BBS9: variants seen among roughly 807,000 people sequenced by gnomAD.
The protein encoded by BBS9 is protein PTHB1.
In BBS9, 89 loss-of-function variants were observed where a neutral mutation model predicts 117.7. That is an observed-to-expected ratio of 0.76 (90% CI 0.64 to 0.90). The LOEUF (loss-of-function observed/expected upper bound fraction) is 0.90, where lower values mean the gene tolerates loss of function less well. BBS9 is among the 40% of genes least tolerant of loss of function. The probability of loss-of-function intolerance (pLI) is 0.00; values close to 1 mark genes in which losing one functional copy is unlikely to be tolerated. For synonymous variants in BBS9, 379 were observed against 370.9 expected, an observed-to-expected ratio of 1.02 and a Z score of -0.25; for missense variants, 982 against 1,042.2, an observed-to-expected ratio of 0.94 and a Z score of 0.80.
At chr7:33,522,108 G>C in intron 20 of BBS9, among the ~76,000 whole-genome samples, 1 of 151,604 alleles carries the variant, frequency 6.6e-6, no homozygotes, top group Non-Finnish European at 1.5e-5. Flanking sequence ...AGTATTCCAT[G>C]GTGTATATGT....
In BBS9 at chr7:33,409,305, C is replaced by G. The variant is rs531249827; in HGVS notation, c.2115+21161C>G. On this transcript the variant is annotated intron_variant, in intron 19 of 22. Transcript: ENST00000242067. Reference sequence around the variant, plus strand: ...TAGTTTGAGATCTTACATTTTAAGTCTTTGATCCATCTTGAGTTAATTTTA... The same window carrying G: ...TAGTTTGAGATCTTACATTTTAAGTGTTTGATCCATCTTGAGTTAATTTTA... Among the ~76,000 whole-genome samples the G allele has an allele frequency of 3.9e-5, 6 of 152,256 alleles. No individual in the cohort carries two copies. In the South Asian group the frequency reaches 8.3e-4, roughly 21 times the overall value.
At chr7:33,331,404 TG>T (rs771284154) in intron 9 of BBS9, among the ~76,000 whole-genome samples, 1 of 152,232 alleles carries the variant, frequency 6.6e-6, no homozygotes, top group East Asian at 1.9e-4. Context: ...AACATAGTAC[TG>T]GAAGTCCTAG....
Position 33,257,423 on chromosome 7 carries a change from G to GAA in BBS9, c.617+13_617+14insAA. ...TGGAAAGTTATAAGTAAGTTTGGAT[G>GAA]TTAAGTCTTCAGAATCATGATTTTT... On this transcript the variant is annotated intron_variant, in intron 6 of 22. Transcript: ENST00000242067. The GAA allele has an allele frequency of 6.2e-7, 1 of 1,612,744 alleles. No individual in the cohort carries two copies. Among genetic ancestry groups the GAA allele is most frequent in the Admixed American group, 1.7e-5 (1 of 60,010 alleles).
intron 19 of BBS9, among the ~76,000 whole-genome samples, chr7:33,494,125 T>C (rs1404086280): frequency 6.6e-6 from 1 of 152,088 alleles, no homozygotes; most frequent in Non-Finnish European, 1.5e-5. Context: ...CCGATGGATC[T>C]CAACCCAGGG....
intron 21 of BBS9, among the ~76,000 whole-genome samples, chr7:33,564,704 G>T (rs1856594149): frequency 6.6e-6 from 1 of 152,156 alleles, no homozygotes; most frequent in Non-Finnish European, 1.5e-5. Context: ...TGGAAAAGAG[G>T]TGAAAATGTA....
At chr7:33,331,037 C>T (rs35067143) in intron 9 of BBS9, among the ~76,000 whole-genome samples, 25,335 of 151,984 alleles carry the variant, frequency 0.17, 2,348 homozygotes, top group South Asian at 0.21. Context: ...ACTAGCTAAC[C>T]GAATCTAACA....
chr7:33,162,948 A>G (rs753634764), intron 4 of BBS9, among the ~76,000 whole-genome samples: 31 of 152,302 alleles, frequency 2.0e-4, no homozygotes, highest in Non-Finnish European at 3.8e-4. Flanking sequence ...CCCATTCAGT[A>G]TGATATTGGC....
intron 9 of BBS9, among the ~76,000 whole-genome samples, chr7:33,279,501 G>A (rs1207826466): frequency 6.6e-6 from 1 of 152,216 alleles, no homozygotes; most frequent in African/African-American, 2.4e-5. Flanking sequence ...GTTGATTTAT[G>A]AAGGAAGTTG....
Position 33,416,777 on chromosome 7 carries a change from C to T in BBS9, c.2115+28633C>T, listed in dbSNP as rs746726498. On this transcript the variant is annotated intron_variant, in intron 19 of 22. Coordinates refer to ENST00000242067, the MANE Select transcript of BBS9 (RefSeq NM_198428.3). ...CATCTCACAGGTGTAAGTGGCCATT[C>T]GAAGTCACATGGAGGCAGTGGAGGA... Among the ~76,000 whole-genome samples the T allele has an allele frequency of 4.6e-5, 7 of 152,106 alleles. No individual in the cohort carries two copies. The South Asian group carries it at 6.2e-4, about 14-fold the overall frequency.
Position 33,439,356 on chromosome 7 carries a change from G to T in BBS9, c.2115+51212G>T, listed in dbSNP as rs148345140. 2.2e-3 allele frequency among the ~76,000 whole-genome samples: 328 copies of T among 152,158 alleles called. 1 individual carries two copies. Among genetic ancestry groups the T allele is most frequent in the Non-Finnish European group, 3.8e-3 (257 of 67,996 alleles). On this transcript the variant is annotated intron_variant, in intron 19 of 22. Transcript: ENST00000242067. Reference sequence around the variant, plus strand: ...CAAATGGATTTCTCTGAGTTTTAAAGAATTCCATTTTACTATATTAATTTG... The same window carrying T: ...CAAATGGATTTCTCTGAGTTTTAAATAATTCCATTTTACTATATTAATTTG...
At chr7:33,289,809 C>A (rs967490471) in intron 9 of BBS9, among the ~76,000 whole-genome samples, 1 of 152,014 alleles carries the variant, frequency 6.6e-6, no homozygotes, top group Non-Finnish European at 1.5e-5. Context: ...TTTGGGAGGC[C>A]AAGGTGGGCA....
intron 10 of BBS9, among the ~76,000 whole-genome samples, chr7:33,338,462 G>T (rs528363796): frequency 6.6e-6 from 1 of 152,152 alleles, no homozygotes; most frequent in African/African-American, 2.4e-5. Context: ...TAGTTTGGGG[G>T]CTTTAACTTA....
chr7:33,585,010 A>T (rs751985780), intron 21 of BBS9, among the ~76,000 whole-genome samples: 7 of 152,056 alleles, frequency 4.6e-5, no homozygotes, highest in Non-Finnish European at 7.4e-5. Flanking sequence ...TTTTTCCTCA[A>T]CAGAATTGGT....
chr7:33,405,230 T>C (rs1162986334), intron 19 of BBS9, among the ~76,000 whole-genome samples: 1 of 152,238 alleles, frequency 6.6e-6, no homozygotes, highest in East Asian at 1.9e-4. Context: ...TTTGATGTGC[T>C]GCTGTATTCG....
Position 33,626,500 on chromosome 7 carries a change from G to A in BBS9, c.2522-8677G>A, listed in dbSNP as rs565941466. On this transcript the variant is annotated intron_variant, in intron 21 of 21. Transcript: ENST00000671952. ...GGAGGGCTCAGAAGAAGATAAAAAG[G>A]TAACAGAAAGTTTGGAACTTCCTAG... is the stretch of plus-strand genomic sequence containing the variant. Among the ~76,000 whole-genome samples, 6 of 152,310 alleles carry A rather than the reference G, an allele frequency of 3.9e-5. No individual in the cohort carries two copies. In the East Asian group the frequency reaches 1.2e-3, roughly 29 times the overall value.
intron 21 of BBS9, among the ~76,000 whole-genome samples, chr7:33,573,170 T>G (rs2129142210): frequency 6.6e-6 from 1 of 152,242 alleles, no homozygotes; most frequent in African/African-American, 2.4e-5. Context: ...TAAGACATTT[T>G]TGGCCTATTT....
intron 20 of BBS9, among the ~76,000 whole-genome samples, chr7:33,514,232 C>CTAGA (rs1236369995): frequency 6.6e-6 from 1 of 152,302 alleles, no homozygotes; most frequent in East Asian, 1.9e-4. Context: ...CGGTGGTGAA[C>CTAGA]TAGACTATTC....
At chr7:33,247,727 A>G (rs1445793244) in intron 5 of BBS9, among the ~76,000 whole-genome samples, 1 of 152,210 alleles carries the variant, frequency 6.6e-6, no homozygotes, top group East Asian at 1.9e-4. Context: ...CTAGGTGTAC[A>G]ATGAATGTGC....
intron 19 of BBS9, among the ~76,000 whole-genome samples, chr7:33,398,999 T>A (rs969574602): frequency 5.9e-5 from 9 of 152,220 alleles, no homozygotes; most frequent in Admixed American, 3.9e-4. Context: ...TTTATTTAAC[T>A]CTATATATTC....
Sources: gnomAD v4.1 joint callset for allele counts (sites outside exome capture counted in the v4.1 genomes callset) on GRCh38, gnomAD v4.1.1 for gene constraint, MANE v1.5 for transcripts, NCBI Gene and HGNC (gene_info 2026-07-23, HGNC 2026-07-21) for gene names.